The following LINGO2 variants were observed in gnomAD, a reference collection of about 807,000 sequenced individuals.
LINGO2 encodes leucine-rich repeat and immunoglobulin-like domain-containing nogo receptor-interacting protein 2.
Under a neutral mutation model 30.6 loss-of-function variants are expected in LINGO2, and 14 were observed. The observed-to-expected ratio is 0.46, with a 90% CI of 0.30 to 0.72. The LOEUF is 0.72. LINGO2 is among the 30% of genes least tolerant of loss of function. The pLI is 0.07. For missense variants in LINGO2, 729 were observed against 751.7 expected (o/e 0.97, Z 0.35); for synonymous variants, 317 against 288.5 (o/e 1.10, Z -1.00).
chr9:29,002,878 A>G, the LINGO2 span, among the ~76,000 whole-genome samples: 136,329 of 151,950 alleles, frequency 0.9, 61,411 homozygotes, highest in Non-Finnish European at 0.93. Flanking sequence ...ATAGGTCCAA[A>G]TCCAAATCCT....
At chr9:28,635,309 T>C (rs908556760) in intron 1 of LINGO2, among the ~76,000 whole-genome samples, 3 of 152,148 alleles carry the variant, frequency 2.0e-5, no homozygotes, top group African/African-American at 4.8e-5. Context: ...ACAAAGGAGG[T>C]AGACTTCTAC....
intron 4 of LINGO2, among the ~76,000 whole-genome samples, chr9:28,151,033 C>G (rs1827984816): frequency 1.3e-5 from 2 of 152,132 alleles, no homozygotes; most frequent in African/African-American, 4.8e-5. Context: ...AAGGACAATT[C>G]CTGATTATTT....
the LINGO2 span, among the ~76,000 whole-genome samples, chr9:28,714,188 T>TATATATATATATATATATATATATATAC: frequency 2.7e-4 from 20 of 73,358 alleles, no homozygotes; most frequent in African/African-American, 1.1e-3. Flanking sequence ...TATATATATA[T>TATATATATATATATATATATATATATAC]ACACACATAC....
chr9:28,327,193 T>C (rs1012199889), intron 3 of LINGO2, among the ~76,000 whole-genome samples: 1 of 152,140 alleles, frequency 6.6e-6, no homozygotes, highest in Non-Finnish European at 1.5e-5. Flanking sequence ...GCTGCCTTAA[T>C]TTTGGACTTC....
the LINGO2 span, among the ~76,000 whole-genome samples, chr9:28,807,485 T>A: frequency 6.6e-6 from 1 of 152,232 alleles, no homozygotes. Context: ...GTAACTGAAT[T>A]AAGCCTCTTG....
chr9:28,238,376 G>A (rs1821656628), intron 4 of LINGO2, among the ~76,000 whole-genome samples: 3 of 152,084 alleles, frequency 2.0e-5, no homozygotes, highest in Admixed American at 2.0e-4. Context: ...TCATTCTCAA[G>A]AATAGACCAT....
At chr9:28,347,358 T>G (rs1211588566) in intron 3 of LINGO2, among the ~76,000 whole-genome samples, 1 of 151,960 alleles carries the variant, frequency 6.6e-6, no homozygotes, top group East Asian at 1.9e-4. Flanking sequence ...GTCATCTGAG[T>G]AAAAGGAAGA....
rs893361197 is a variant in LINGO2 at position 28,129,531 on chromosome 9, C to T, written c.-86-117126G>A. ...TACCTCTTCAGTCCTCAGACTGGGT[C>T]CTGCCCATGTGAATGGATCTAGGAT... On this transcript the variant is annotated intron_variant, in intron 4 of 5. Coordinates refer to ENST00000379992, the Ensembl canonical transcript of LINGO2. This position sits in a 1 kb window ranked among gnomAD's most constrained non-coding sequence, Gnocchi z 4.0. The T allele has an allele frequency of 1.3e-5, 2 of 152,222 alleles. No individual in the cohort carries two copies. Among genetic ancestry groups the T allele is most frequent in the Non-Finnish European group, 2.9e-5 (2 of 68,088 alleles). The allele number at this position is 152,222 out of a possible 1,614,324, so 9.4% of individuals were successfully genotyped here. A position where few individuals can be genotyped will look rare whatever the true frequency, so the allele number is the denominator to read the frequency against.
the LINGO2 span, among the ~76,000 whole-genome samples, chr9:28,752,544 T>G: frequency 6.6e-6 from 1 of 152,034 alleles, no homozygotes; most frequent in African/African-American, 2.4e-5. Flanking sequence ...CAGAAGAAAT[T>G]TGGTATCAAA....
chr9:28,761,962 T>C, the LINGO2 span, among the ~76,000 whole-genome samples: 3 of 151,824 alleles, frequency 2.0e-5, no homozygotes, highest in Admixed American at 6.5e-5. Flanking sequence ...CTGCCTACAA[T>C]GCACATCACA....
chr9:28,988,724 T>C, the LINGO2 span, among the ~76,000 whole-genome samples: 1 of 152,208 alleles, frequency 6.6e-6, no homozygotes. Context: ...TCTGGCTCTC[T>C]TTTTCTCCTG....
At chr9:28,749,994 G>T in the LINGO2 span, among the ~76,000 whole-genome samples, 3 of 152,188 alleles carry the variant, frequency 2.0e-5, no homozygotes, top group East Asian at 5.8e-4. Flanking sequence ...AAAGAAAAGG[G>T]AAAGCAGCTA....
At position 28,287,495 on chromosome 9, in the gene LINGO2, T is replaced by C. The variant is rs767435935; in HGVS notation, c.-87+7713A>G. ...CACATGCACTGTAATGGAAAGGACA[T>C]GATACATTCAGCAGAATTACTTAAT... On this transcript the variant is annotated intron_variant, in intron 4 of 5. Coordinates refer to ENST00000379992, the Ensembl canonical transcript of LINGO2. Among the ~76,000 whole-genome samples the C allele has an allele frequency of 1.3e-4, 20 of 152,348 alleles. No individual in the cohort carries two copies. The South Asian group carries it at 2.1e-3, about 16-fold the overall frequency.
At chr9:29,097,157 A>G in the LINGO2 span, among the ~76,000 whole-genome samples, 1 of 138,692 alleles carries the variant, frequency 7.2e-6, no homozygotes, top group African/African-American at 2.7e-5. Context: ...ATATATCGTT[A>G]CAAAGTTTAT....
intron 4 of LINGO2, among the ~76,000 whole-genome samples, chr9:28,043,442 T>C (rs968055804): frequency 6.6e-6 from 1 of 152,134 alleles, no homozygotes; most frequent in Non-Finnish European, 1.5e-5. Flanking sequence ...AGTATGGCAG[T>C]CTCTGCAGTG....
intron 4 of LINGO2, among the ~76,000 whole-genome samples, chr9:28,185,351 A>T (rs1312119361): frequency 6.6e-6 from 1 of 151,856 alleles, no homozygotes; most frequent in Non-Finnish European, 1.5e-5. Context: ...TCTTATAAAT[A>T]CCATAACACT....
the LINGO2 span, among the ~76,000 whole-genome samples, chr9:29,134,951 C>T: frequency 6.6e-6 from 1 of 151,276 alleles, no homozygotes; most frequent in African/African-American, 2.5e-5. Flanking sequence ...TTAACCATAG[C>T]CTCATCAACA....
At chr9:28,155,406 A>G (rs1828105833) in intron 4 of LINGO2, among the ~76,000 whole-genome samples, 1 of 152,200 alleles carries the variant, frequency 6.6e-6, no homozygotes, top group South Asian at 2.1e-4. Flanking sequence ...AATCCTAGAA[A>G]GTCCTATTTC....
the LINGO2 span, among the ~76,000 whole-genome samples, chr9:29,004,213 T>C: frequency 6.6e-6 from 1 of 152,026 alleles, no homozygotes; most frequent in South Asian, 2.1e-4. Context: ...TTACCCTTTA[T>C]ATGTGATATT....
Sources: allele counts gnomAD v4.1 joint callset (sites outside exome capture counted in the v4.1 genomes callset), GRCh38; gene constraint gnomAD v4.1.1; non-coding constraint Gnocchi (gnomAD v3.1); transcripts MANE v1.5; gene names NCBI Gene and HGNC (gene_info 2026-07-23, HGNC 2026-07-21).